Variants in PHLPP1 observed in about 807,000 individuals in gnomAD.
PHLPP1 encodes the protein PH domain and leucine rich repeat protein phosphatase 1.
A neutral mutation model predicts 117.2 loss-of-function variants in PHLPP1; 42 were observed. That is an observed-to-expected ratio of 0.36 (90% confidence interval 0.28 to 0.46). The LOEUF is 0.46. Among genes scored for constraint, PHLPP1 ranks in the 20% least tolerant of loss-of-function variants. The pLI is 1.00. For missense variants in PHLPP1, 2,084 were observed against 2,241.9 expected, an observed-to-expected ratio of 0.93 and a Z score of 1.42; for synonymous variants, 1,042 against 970.7, an observed-to-expected ratio of 1.07 and a Z score of -1.37.
chr18:62,788,377 A>G (rs1201439388), intron 1 of PHLPP1, among the ~76,000 whole-genome samples: 1 of 152,166 alleles, frequency 6.6e-6, no homozygotes, highest in Non-Finnish European at 1.5e-5. Flanking sequence ...CTTGCAGTGC[A>G]TGTGTAATCT....
chr18:62,835,584 G>A (rs1220958792), intron 2 of PHLPP1, among the ~76,000 whole-genome samples: 1 of 152,072 alleles, frequency 6.6e-6, no homozygotes, highest in Non-Finnish European at 1.5e-5. Context: ...GTCAGTTTAA[G>A]TGAGTTTTTA....
At chr18:62,936,164 T>C (rs1029231948) in intron 10 of PHLPP1, among the ~76,000 whole-genome samples, 1 of 152,128 alleles carries the variant, frequency 6.6e-6, no homozygotes, top group Non-Finnish European at 1.5e-5. Flanking sequence ...GACGGGAGCA[T>C]GTCAAAGGAT....
At chr18:62,881,744 C>T (rs1455041811) in intron 4 of PHLPP1, among the ~76,000 whole-genome samples, 1 of 152,172 alleles carries the variant, frequency 6.6e-6, no homozygotes, top group Non-Finnish European at 1.5e-5. Flanking sequence ...AACAGAAGGG[C>T]ATACGTAAGT....
intron 7 of PHLPP1, 109 bp from the exon 8 acceptor site, chr18:62,905,115 T>G: frequency 9.0e-6 from 5 of 555,774 alleles, no homozygotes; most frequent in Non-Finnish European, 1.4e-5. Flanking sequence ...CTTCCTAAAC[T>G]AAACAAACAA....
At chr18:62,881,004 A>G (rs962166755) in intron 4 of PHLPP1, among the ~76,000 whole-genome samples, 1 of 152,246 alleles carries the variant, frequency 6.6e-6, no homozygotes, top group Non-Finnish European at 1.5e-5. Flanking sequence ...GGTTTGGCAC[A>G]TAGTAACCAG....
At chr18:62,818,174 G>T (rs1914348207) in intron 1 of PHLPP1, among the ~76,000 whole-genome samples, 2 of 152,026 alleles carry the variant, frequency 1.3e-5, no homozygotes, top group African/African-American at 2.4e-5. Context: ...TTGAACACTA[G>T]AAGTCAGTGG....
chr18:62,814,504 T>C (rs113266813), intron 1 of PHLPP1, among the ~76,000 whole-genome samples: 31 of 152,178 alleles, frequency 2.0e-4, no homozygotes, highest in African/African-American at 6.8e-4. Context: ...CTGGTCATAG[T>C]GAAGAAGGAT....
chr18:62,721,540 CTTATTA>C (rs561677841), intron 1 of PHLPP1, among the ~76,000 whole-genome samples: 1 of 151,930 alleles, frequency 6.6e-6, no homozygotes, highest in South Asian at 2.1e-4. Flanking sequence ...TTTGCTTAAA[CTTATTA>C]TTAAAAAATC....
intron 12 of PHLPP1, among the ~76,000 whole-genome samples, chr18:62,952,012 G>C (rs1444102137): frequency 6.6e-6 from 1 of 151,878 alleles, no homozygotes; most frequent in African/African-American, 2.4e-5. Flanking sequence ...TAGAGACGGG[G>C]TTTTGCCATG....
At position 62,919,982 on chromosome 18, in the gene PHLPP1, G is replaced by A. The variant is rs1433579204; in HGVS notation, c.2828G>A (p.Arg943Gln). The A allele has an allele frequency of 3.7e-6, 6 of 1,603,538 alleles. No individual in the cohort carries two copies. The highest frequency in any genetic ancestry group is 1.7e-5 in the Admixed American group (1 of 58,116). ...PARLFCNSSL[R>Q]KLLAGHNQLA... is the part of the protein sequence containing the mutation. ...AGCTTATTTTGTAATAGCAGTCTCC[G>A]GAAACTACTGGCAGGACACAACCAG... The change falls in exon 10 of 17, where the codon CGG (arginine) becomes CAG (glutamine). Residue 943 changes from arginine to glutamine, a missense_variant. Arg to Gln is a conservative substitution (Grantham distance 43, BLOSUM62 1). Transcript: ENST00000262719.
chr18:62,726,583 C>CTTTTTTTTTTTTTTTTT (rs869190741), intron 1 of PHLPP1, among the ~76,000 whole-genome samples: 1 of 110,044 alleles, frequency 9.1e-6, no homozygotes, highest in South Asian at 2.9e-4. Flanking sequence ...CTGTTCTGTT[C>CTTTTTTTTTTTTTTTTT]TTTTTTTTTT....
intron 1 of PHLPP1, among the ~76,000 whole-genome samples, chr18:62,748,876 T>C (rs975630042): frequency 9.2e-5 from 14 of 152,214 alleles, no homozygotes; most frequent in Non-Finnish European, 1.6e-4. Flanking sequence ...TTTAATTTTC[T>C]CTTTTCTTGG....
intron 1 of PHLPP1, among the ~76,000 whole-genome samples, chr18:62,754,819 G>A (rs1012380779): frequency 4.6e-5 from 7 of 152,192 alleles, no homozygotes; most frequent in Admixed American, 1.3e-4. Context: ...TTTCTGTAAT[G>A]TTTAATAGAA....
intron 1 of PHLPP1, among the ~76,000 whole-genome samples, chr18:62,739,688 C>T (rs775550474): frequency 2.6e-5 from 4 of 152,072 alleles, no homozygotes; most frequent in Non-Finnish European, 4.4e-5. Context: ...AGGCATGGAG[C>T]ATCCATGAAG....
rs79420408 is a variant in PHLPP1 at position 62,757,981 on chromosome 18, G to A, written c.1576+40722G>A. Among the ~76,000 whole-genome samples the A allele has an allele frequency of 2.5e-4, 38 of 152,324 alleles. No individual in the cohort carries two copies. The East Asian group carries it at 5.0e-3, about 20-fold the overall frequency. Reference sequence around the variant, plus strand: ...TTCAATTAGTTTTCAGCTGTGGAAAGTTCTAGTTTAGGGACACTTTTAAAT... The same window carrying A: ...TTCAATTAGTTTTCAGCTGTGGAAAATTCTAGTTTAGGGACACTTTTAAAT... On this transcript the variant is annotated intron_variant, in intron 1 of 16. Transcript: ENST00000262719.
At chr18:62,862,324 G>A (rs983194108) in intron 4 of PHLPP1, among the ~76,000 whole-genome samples, 1 of 151,752 alleles carries the variant, frequency 6.6e-6, no homozygotes, top group Admixed American at 6.6e-5. Flanking sequence ...GAAGTGATCC[G>A]CCCACCTTGA....
At position 62,772,346 on chromosome 18, in the gene PHLPP1, AT is replaced by A. The variant is rs199690617; in HGVS notation, c.1576+55095del. ...TCCATTTTTCTGTTCTGTTTTCTTT[AT>A]TTTTTTTAAGCATAATTGGCAATAA... On this transcript the variant is annotated intron_variant, in intron 1 of 16. Coordinates refer to ENST00000262719, the MANE Select transcript of PHLPP1 (RefSeq NM_194449.4). 6.3e-3 allele frequency among the ~76,000 whole-genome samples: 951 copies of A among 151,946 alleles called. 10 individuals are homozygous for A. The highest frequency in any genetic ancestry group is 0.038 in the South Asian group (182 of 4,796).
Position 62,894,023 on chromosome 18 carries a change from A to G in PHLPP1, c.2067-988A>G, listed in dbSNP as rs547662780. ...AAAACATTTCCAAGGAAAACAGTGT[A>G]GAGAGAGCATGAAACTGCTAAAAAA... On this transcript the variant is annotated intron_variant, in intron 4 of 16. Transcript: ENST00000262719. Among the ~76,000 whole-genome samples the G allele has an allele frequency of 2.6e-5, 4 of 152,290 alleles. No individual in the cohort carries two copies. The East Asian group carries it at 7.7e-4, about 29-fold the overall frequency.
chr18:62,925,184 G>A (rs530843263), intron 10 of PHLPP1, among the ~76,000 whole-genome samples: 279 of 152,222 alleles, frequency 1.8e-3, no homozygotes, highest in Non-Finnish European at 1.9e-3. Flanking sequence ...CAGAGGGATT[G>A]CCATCCTTCT....
Sources: allele counts gnomAD v4.1 joint callset (sites outside exome capture counted in the v4.1 genomes callset), GRCh38; gene constraint gnomAD v4.1.1; transcripts MANE v1.5; gene names NCBI Gene and HGNC (gene_info 2026-07-23, HGNC 2026-07-21).